Variants in SGCZ observed in about 807,000 individuals in gnomAD.
SGCZ encodes sarcoglycan zeta.
Under a neutral mutation model 41.3 loss-of-function variants are expected in SGCZ, and 40 were observed. That is an observed-to-expected ratio of 0.97 (90% confidence interval 0.75 to 1.26). The LOEUF (loss-of-function observed/expected upper bound fraction) is 1.26, where lower values mean the gene tolerates loss of function less well. SGCZ is among the 50% of genes most tolerant of loss of function. The pLI, the probability that SGCZ is intolerant of heterozygous loss-of-function variation, is 0.00. For synonymous variants in SGCZ, 206 were observed against 137.5 expected, an observed-to-expected ratio of 1.50 and a Z score of -3.49; for missense variants, 552 against 369.8, an observed-to-expected ratio of 1.49 and a Z score of -4.04.
At chr8:15,145,960 T>C (rs936709640) in intron 1 of SGCZ, among the ~76,000 whole-genome samples, 2 of 152,020 alleles carry the variant, frequency 1.3e-5, no homozygotes, top group African/African-American at 4.8e-5. Context: ...GCAAAGAGAA[T>C]GGGTGAGGGG....
chr8:14,754,147 T>A (rs1303217640), intron 1 of SGCZ, among the ~76,000 whole-genome samples: 1 of 152,148 alleles, frequency 6.6e-6, no homozygotes, highest in African/African-American at 2.4e-5. Flanking sequence ...TGACATATAT[T>A]TAGGGGACCT....
intron 1 of SGCZ, among the ~76,000 whole-genome samples, chr8:14,807,581 G>A (rs1444986591): frequency 6.6e-6 from 1 of 151,544 alleles, no homozygotes. Flanking sequence ...AAATAAAAGA[G>A]GATACAAACA....
chr8:14,544,220 TCTTTA>T (rs1170595731), intron 2 of SGCZ, among the ~76,000 whole-genome samples: 1 of 152,134 alleles, frequency 6.6e-6, no homozygotes, highest in African/African-American at 2.4e-5. Context: ...CTTATGCCTG[TCTTTA>T]CTTTAATCTG....
At chr8:15,012,640 AAAACTATATATAATATAT>A in intron 1 of SGCZ, among the ~76,000 whole-genome samples, 1 of 81,202 alleles carries the variant, frequency 1.2e-5, no homozygotes, top group South Asian at 4.1e-4. Context: ...ATAAACATAT[AAAACTATATATAATATAT>A]AATATATATT....
chr8:14,373,455 T>C lies in SGCZ; in HGVS notation c.235-49251A>G, dbSNP rs756601354. 1.2e-4 allele frequency among the ~76,000 whole-genome samples: 19 copies of C among 152,148 alleles called. 1 individual carries two copies. The highest frequency in any genetic ancestry group is 9.8e-4 in the Admixed American group (15 of 15,256). On this transcript the variant is annotated intron_variant, in intron 2 of 7. Coordinates refer to ENST00000382080, the MANE Select transcript of SGCZ (RefSeq NM_139167.4). ...ATGGCATTTTAAGGAATGAAATCCA[T>C]GATATTCAGAGAAGACAATAAAAAT... is the stretch of plus-strand genomic sequence containing the variant.
intron 5 of SGCZ, among the ~76,000 whole-genome samples, chr8:14,141,634 T>C (rs1199632891): frequency 5.3e-5 from 8 of 152,180 alleles, no homozygotes; most frequent in Non-Finnish European, 1.2e-4. Flanking sequence ...TTACACCAGT[T>C]AGAATGGCGA....
intron 1 of SGCZ, among the ~76,000 whole-genome samples, chr8:15,037,637 G>C (rs1049129985): frequency 6.6e-6 from 1 of 152,120 alleles, no homozygotes; most frequent in South Asian, 2.1e-4. Flanking sequence ...AATTACACAA[G>C]AGAAACAAAT....
intron 1 of SGCZ, among the ~76,000 whole-genome samples, chr8:14,774,571 T>C (rs950803642): frequency 1.2e-4 from 18 of 152,182 alleles, no homozygotes; most frequent in Admixed American, 1.2e-3. Flanking sequence ...CTCATGGTAT[T>C]AGAACAAAGC....
intron 1 of SGCZ, among the ~76,000 whole-genome samples, chr8:14,678,785 G>A (rs1808352400): frequency 6.6e-6 from 1 of 152,184 alleles, no homozygotes; most frequent in African/African-American, 2.4e-5. Flanking sequence ...CAACCAAGAT[G>A]TTCTTCAGTA....
intron 2 of SGCZ, among the ~76,000 whole-genome samples, chr8:14,460,253 A>C (rs1800863997): frequency 6.6e-6 from 1 of 152,204 alleles, no homozygotes; most frequent in South Asian, 2.1e-4. Flanking sequence ...TGACAATTTA[A>C]AAGTTAAGCA....
chr8:15,016,856 C>T lies in SGCZ; in HGVS notation c.39+220729G>A, dbSNP rs568709380. On this transcript the variant is annotated intron_variant, in intron 1 of 7. Coordinates refer to ENST00000382080, the MANE Select transcript of SGCZ (RefSeq NM_139167.4). ...GGTGGAAGGCAAAGGGAATGAACAG[C>T]CATGTCATTTGGCAAGAGAGAGAGA... Among the ~76,000 whole-genome samples the T allele has an allele frequency of 4.6e-5, 7 of 152,068 alleles. No individual in the cohort carries two copies. In the South Asian group the frequency reaches 1.5e-3, roughly 32 times the overall value.
chr8:14,170,572 T>C (rs532286617), intron 4 of SGCZ, among the ~76,000 whole-genome samples: 1 of 152,244 alleles, frequency 6.6e-6, no homozygotes, highest in South Asian at 2.1e-4. Flanking sequence ...ATTGACTACA[T>C]TGTCTAAGAG....
At chr8:14,767,941 A>G (rs1215147348) in intron 1 of SGCZ, among the ~76,000 whole-genome samples, 1 of 152,238 alleles carries the variant, frequency 6.6e-6, no homozygotes, top group Non-Finnish European at 1.5e-5. Context: ...AAAAATAGAT[A>G]GCAACAGAAT....
intron 3 of SGCZ, among the ~76,000 whole-genome samples, chr8:14,317,761 T>TA (rs1293903644): frequency 6.6e-6 from 1 of 151,788 alleles, no homozygotes; most frequent in Non-Finnish European, 1.5e-5. Flanking sequence ...ATTTTTGCCA[T>TA]AAAAGTCATG....
At chr8:14,156,787 A>G (rs1470883884) in intron 5 of SGCZ, among the ~76,000 whole-genome samples, 1 of 152,180 alleles carries the variant, frequency 6.6e-6, no homozygotes, top group Non-Finnish European at 1.5e-5. Flanking sequence ...GTTCATCAAT[A>G]TCACTGTCTT....
intron 1 of SGCZ, among the ~76,000 whole-genome samples, chr8:14,772,218 A>AAATG (rs977035638): frequency 2.0e-5 from 3 of 152,180 alleles, no homozygotes; most frequent in African/African-American, 7.2e-5. Context: ...GGCCAAGCTA[A>AAATG]AATGTTTGAG....
chr8:14,554,683 T>G (rs1235387156), intron 2 of SGCZ, 49 bp downstream of exon 2: 2 of 1,482,416 alleles, frequency 1.3e-6, no homozygotes, highest in South Asian at 2.5e-5. Flanking sequence ...CAGAGCTAGA[T>G]TGTCTCTGAA....
chr8:14,967,543 T>G (rs1801161097), intron 1 of SGCZ, among the ~76,000 whole-genome samples: 1 of 152,140 alleles, frequency 6.6e-6, no homozygotes, highest in South Asian at 2.1e-4. Flanking sequence ...TTATTTGACA[T>G]CAAGTTTTCT....
intron 1 of SGCZ, among the ~76,000 whole-genome samples, chr8:15,091,236 G>A (rs1031495): frequency 0.72 from 109,898 of 151,940 alleles, 42,203 homozygotes; most frequent in Non-Finnish European, 0.86. Context: ...GCCCAGGCTG[G>A]CCTGCAACTC....
Sources: allele counts gnomAD v4.1 joint callset (sites outside exome capture counted in the v4.1 genomes callset), GRCh38; gene constraint gnomAD v4.1.1; transcripts MANE v1.5; gene names NCBI Gene and HGNC (gene_info 2026-07-23, HGNC 2026-07-21).